SCAPER: variants seen among roughly 807,000 people sequenced by gnomAD.
The protein encoded by SCAPER is S phase cyclin A-associated protein in the endoplasmic reticulum.
A neutral mutation model predicts 182.2 loss-of-function variants in SCAPER; 98 were observed. That is an observed-to-expected ratio of 0.54 (90% CI 0.46 to 0.64). The LOEUF (loss-of-function observed/expected upper bound fraction) is 0.64. Among genes scored for constraint, SCAPER ranks in the 30% least tolerant of loss-of-function variants. The pLI is 0.00. For synonymous variants in SCAPER, 605 were observed against 564.6 expected (o/e 1.07, Z -1.01); for missense variants, 1,432 against 1,690.0 (o/e 0.85, Z 2.68).
chr15:76,767,939 T>G (rs1274972196), intron 10 of SCAPER, among the ~76,000 whole-genome samples: 1 of 152,076 alleles, frequency 6.6e-6, no homozygotes, highest in Non-Finnish European at 1.5e-5. Context: ...GACACAGATT[T>G]CAGTGCAAAA....
Position 76,495,493 on chromosome 15 carries a change from G to A in SCAPER, c.2954+9366C>T, listed in dbSNP as rs959542267. The stretch of plus-strand genomic sequence containing the variant: ...CTTGGGAGGCTGAGGCAGGAGAATC[G>A]CTTGAACCCAGGAGGCGGAGGTTGC... On this transcript the variant is annotated intron_variant, in intron 24 of 31. Coordinates refer to ENST00000563290, the MANE Select transcript of SCAPER (RefSeq NM_020843.4). Among the ~76,000 whole-genome samples, 28 of 147,244 alleles carry A rather than the reference G, an allele frequency of 1.9e-4. 1 individual carries two copies. Among genetic ancestry groups the A allele is most frequent in the Admixed American group, 1.3e-3 (18 of 14,234 alleles).
In SCAPER at chr15:76,637,217, T is replaced by C. The variant is rs757266681; in HGVS notation, c.2646-15388A>G. ...CTACACACCACTAATCTACTACCTCTATAAAATTTTTGTTTGAATATGTCT... is the reference window on the plus strand; with the variant it reads ...CTACACACCACTAATCTACTACCTCCATAAAATTTTTGTTTGAATATGTCT... On this transcript the variant is annotated intron_variant, in intron 21 of 31. Coordinates refer to ENST00000563290, the MANE Select transcript of SCAPER (RefSeq NM_020843.4). Among the ~76,000 whole-genome samples the C allele has an allele frequency of 2.6e-5, 4 of 152,086 alleles. No homozygotes were observed. In the East Asian group the frequency reaches 5.8e-4, roughly 22 times the overall value.
At chr15:76,744,907 G>A (rs1465582904) in intron 15 of SCAPER, among the ~76,000 whole-genome samples, 3 of 152,150 alleles carry the variant, frequency 2.0e-5, no homozygotes, top group Non-Finnish European at 4.4e-5. Context: ...AGTGCCTATC[G>A]ATAGACTGGA....
At position 76,354,080 on chromosome 15, in the gene SCAPER, G is replaced by C. The variant is rs1370513333; in HGVS notation, c.3916C>G (p.Gln1306Glu). The part of the protein sequence containing the change: ...VLQKLCQLPF[Q>E]YFSDPRLIKV... Reference sequence around the variant, plus strand: ...ATCAGCCGTGGGTCACTGAAATACTGGAAGGGCAACTGGCAGAGCTTCTGC... The same window carrying C: ...ATCAGCCGTGGGTCACTGAAATACTCGAAGGGCAACTGGCAGAGCTTCTGC... The change falls in exon 30 of 32, where the codon CAG becomes GAG. Residue 1306 changes from glutamine (Q) to glutamate (E), a missense_variant. Gln to Glu is a conservative substitution (Grantham distance 29). Transcript: ENST00000563290. This position sits in a 1 kb window ranked among gnomAD's most constrained non-coding sequence, Gnocchi z 4.4. 1.2e-6 allele frequency: 2 copies of C among 1,610,956 alleles called. No homozygotes were observed. The highest frequency in any genetic ancestry group is 2.7e-5 in the African/African-American group (2 of 74,632).
intron 21 of SCAPER, among the ~76,000 whole-genome samples, chr15:76,648,329 A>G (rs192642380): frequency 6.6e-6 from 1 of 152,274 alleles, no homozygotes; most frequent in Admixed American, 6.5e-5. Context: ...TAGAAAAAAA[A>G]GATCACATAG....
At chr15:76,849,715 T>A (rs972805111) in intron 4 of SCAPER, among the ~76,000 whole-genome samples, 5 of 152,148 alleles carry the variant, frequency 3.3e-5, no homozygotes, top group African/African-American at 1.2e-4. Context: ...CTGGATCACA[T>A]CCCAAAGCTT....
chr15:76,559,005 T>G (rs2046391850), intron 23 of SCAPER, among the ~76,000 whole-genome samples: 1 of 151,988 alleles, frequency 6.6e-6, no homozygotes, highest in Non-Finnish European at 1.5e-5. Flanking sequence ...CCCCAAGCTG[T>G]TCTTGTGATA....
At chr15:76,851,982 G>A (rs544989699) in intron 4 of SCAPER, among the ~76,000 whole-genome samples, 22 of 152,032 alleles carry the variant, frequency 1.4e-4, no homozygotes, top group South Asian at 6.2e-4. Context: ...CAAAATAAAG[G>A]GATGGAGGGA....
At chr15:76,735,645 T>C (rs1012202106) in intron 15 of SCAPER, among the ~76,000 whole-genome samples, 11 of 141,910 alleles carry the variant, frequency 7.8e-5, no homozygotes, top group Non-Finnish European at 1.0e-4. Flanking sequence ...GAGGTTGCAG[T>C]GAGCCAAGAT....
intron 5 of SCAPER, among the ~76,000 whole-genome samples, chr15:76,830,235 G>A (rs188894851): frequency 5.9e-5 from 9 of 152,250 alleles, no homozygotes; most frequent in African/African-American, 2.2e-4. Context: ...GACAAAAGTG[G>A]TGTGAAATGA....
At chr15:76,500,762 T>C (rs1378784545) in intron 24 of SCAPER, among the ~76,000 whole-genome samples, 1 of 152,192 alleles carries the variant, frequency 6.6e-6, no homozygotes, top group African/African-American at 2.4e-5. Flanking sequence ...TTCATTTGTC[T>C]GTACTTGTTT....
At chr15:76,852,078 C>CA (rs926785257) in intron 4 of SCAPER, among the ~76,000 whole-genome samples, 4 of 151,144 alleles carry the variant, frequency 2.6e-5, no homozygotes, top group African/African-American at 9.7e-5. Flanking sequence ...CAACAAAGAT[C>CA]AAAAAAAGAC....
rs1028221785 is a variant in SCAPER at position 76,395,867 on chromosome 15, T to C, written c.3467+8657A>G. Among the ~76,000 whole-genome samples the C allele has an allele frequency of 2.6e-5, 4 of 152,210 alleles. No homozygotes were observed. In the South Asian group the frequency reaches 6.2e-4, roughly 24 times the overall value. On this transcript the variant is annotated intron_variant, in intron 27 of 31. Coordinates refer to ENST00000563290, the MANE Select transcript of SCAPER (RefSeq NM_020843.4). ...AACTTGATGTGATCCCATTTATCCA[T>C]TTTTGCTTCGGTTGCCTGTGCTTGC...
intron 5 of SCAPER, among the ~76,000 whole-genome samples, chr15:76,811,749 T>C (rs776427529): frequency 1.3e-5 from 2 of 150,742 alleles, no homozygotes; most frequent in Non-Finnish European, 1.5e-5. Flanking sequence ...GATCACGCCA[T>C]TGCACTCCAG....
intron 4 of SCAPER, among the ~76,000 whole-genome samples, chr15:76,854,506 A>C (rs565450636): frequency 1.3e-5 from 2 of 152,320 alleles, no homozygotes; most frequent in South Asian, 2.1e-4. Flanking sequence ...AATAGGAAGA[A>C]TCAATATCAT....
At chr15:76,727,664 T>C (rs1279013064) in intron 17 of SCAPER, among the ~76,000 whole-genome samples, 3 of 152,008 alleles carry the variant, frequency 2.0e-5, no homozygotes, top group Non-Finnish European at 4.4e-5. Context: ...TAGAAAAAGA[T>C]TTCATAAATA....
intron 21 of SCAPER, among the ~76,000 whole-genome samples, chr15:76,658,544 A>T (rs556130061): frequency 5.3e-5 from 8 of 152,204 alleles, no homozygotes; most frequent in Non-Finnish European, 1.2e-4. Context: ...ATTCTTAACA[A>T]AATTAGAAAA....
intron 5 of SCAPER, among the ~76,000 whole-genome samples, chr15:76,830,747 G>T (rs2068396461): frequency 6.6e-6 from 1 of 151,886 alleles, no homozygotes; most frequent in African/African-American, 2.4e-5. Context: ...AGCCAAAATG[G>T]CCAACTAGAC....
At chr15:76,494,884 T>C (rs1357314063) in intron 24 of SCAPER, among the ~76,000 whole-genome samples, 1 of 152,180 alleles carries the variant, frequency 6.6e-6, no homozygotes, top group Admixed American at 6.5e-5. Context: ...TCTCTGATGA[T>C]AGCATGCAGG....
Sources: gnomAD v4.1 joint callset for allele counts (sites outside exome capture counted in the v4.1 genomes callset) on GRCh38, gnomAD v4.1.1 for gene constraint, Gnocchi (gnomAD v3.1) non-coding constraint, MANE v1.5 for transcripts, NCBI Gene and HGNC (gene_info 2026-07-23, HGNC 2026-07-21) for gene names.